Variants in TMEM117 observed in about 807,000 individuals in gnomAD.
The protein encoded by TMEM117 is transmembrane protein 117.
Under a neutral mutation model 52.4 loss-of-function variants are expected in TMEM117, and 27 were observed. The observed-to-expected ratio is 0.51, with a 90% confidence interval of 0.38 to 0.71. The LOEUF (loss-of-function observed/expected upper bound fraction) is 0.71. Among genes scored for constraint, TMEM117 ranks in the 30% least tolerant of loss-of-function variants. TMEM117 has a pLI of 0.00. For synonymous variants in TMEM117, 215 were observed against 206.3 expected (o/e 1.04, Z -0.36); for missense variants, 556 against 630.5 (o/e 0.88, Z 1.26).
intron 6 of TMEM117, among the ~76,000 whole-genome samples, chr12:44,370,636 G>A (rs370552948): frequency 6.0e-5 from 9 of 150,188 alleles, no homozygotes; most frequent in East Asian, 4.0e-4. Flanking sequence ...TTCTACCTCC[G>A]CCTCCCCAGT....
intron 4 of TMEM117, among the ~76,000 whole-genome samples, chr12:44,195,956 A>G (rs919791779): frequency 6.6e-6 from 1 of 151,796 alleles, no homozygotes; most frequent in Non-Finnish European, 1.5e-5. Flanking sequence ...ATGGTGACAC[A>G]TACTTTGTAG....
At chr12:43,990,323 T>C (rs1945917520) in intron 3 of TMEM117, among the ~76,000 whole-genome samples, 1 of 152,178 alleles carries the variant, frequency 6.6e-6, no homozygotes, top group African/African-American at 2.4e-5. Flanking sequence ...ACTTAGACTT[T>C]ACACTATTTT....
intron 3 of TMEM117, among the ~76,000 whole-genome samples, chr12:44,057,832 G>A (rs1242511779): frequency 6.6e-6 from 1 of 152,106 alleles, no homozygotes; most frequent in Non-Finnish European, 1.5e-5. Context: ...ATGTATGTCA[G>A]GATATAACTT....
At chr12:43,897,419 C>T (rs1344073868) in intron 2 of TMEM117, among the ~76,000 whole-genome samples, 2 of 150,670 alleles carry the variant, frequency 1.3e-5, no homozygotes, top group African/African-American at 2.4e-5. Context: ...TCAAGTGATT[C>T]TCCTGCCTCA....
chr12:44,005,533 T>C lies in TMEM117; in HGVS notation c.410+61191T>C, dbSNP rs80163491. Among the ~76,000 whole-genome samples, 1,130 of 152,350 alleles carry C rather than the reference T, an allele frequency of 7.4e-3. 5 individuals carry two copies. The highest frequency in any genetic ancestry group is 0.01 in the Non-Finnish European group (714 of 68,036). On this transcript the variant is annotated intron_variant, in intron 3 of 7. Transcript: ENST00000266534. The stretch of plus-strand genomic sequence containing the variant: ...TCATCACTCTAGGCCACATGCCTTA[T>C]TTTGCTCTGACACTTCAGGATGTTT...
intron 3 of TMEM117, among the ~76,000 whole-genome samples, chr12:44,043,232 T>C (rs1450507208): frequency 6.6e-6 from 1 of 152,172 alleles, no homozygotes; most frequent in African/African-American, 2.4e-5. Context: ...GCCTCAAATC[T>C]GCTAAGATTG....
At chr12:44,060,758 G>A (rs570613852) in intron 3 of TMEM117, among the ~76,000 whole-genome samples, 1 of 152,274 alleles carries the variant, frequency 6.6e-6, no homozygotes, top group East Asian at 1.9e-4. Context: ...CACAAAATTG[G>A]TGAGTTTTCT....
intron 3 of TMEM117, among the ~76,000 whole-genome samples, chr12:44,119,883 G>A (rs145301003): frequency 1.5e-3 from 231 of 152,320 alleles, no homozygotes; most frequent in Middle Eastern, 3.4e-3. Flanking sequence ...ACATGGATCA[G>A]GACTGAGAGG....
intron 3 of TMEM117, among the ~76,000 whole-genome samples, chr12:44,128,469 C>A (rs1188895054): frequency 1.3e-5 from 2 of 152,198 alleles, no homozygotes; most frequent in African/African-American, 4.8e-5. Flanking sequence ...GTATTCCCAG[C>A]ACCTAGCACA....
At chr12:43,940,525 A>G (rs953482881) in intron 2 of TMEM117, among the ~76,000 whole-genome samples, 2 of 151,924 alleles carry the variant, frequency 1.3e-5, no homozygotes, top group African/African-American at 4.8e-5. Context: ...TCCACAACAT[A>G]TGTTTGCTCA....
chr12:44,056,179 A>G (rs901137363), intron 3 of TMEM117, among the ~76,000 whole-genome samples: 6 of 152,082 alleles, frequency 3.9e-5, no homozygotes, highest in African/African-American at 1.4e-4. Flanking sequence ...AGCTTACTGC[A>G]GCCTTGAACT....
chr12:43,816,522 T>G, the TMEM117 span, among the ~76,000 whole-genome samples: 4 of 152,044 alleles, frequency 2.6e-5, no homozygotes, highest in African/African-American at 9.7e-5. Flanking sequence ...ACTCACCTCC[T>G]GTCCGTTACC....
chr12:44,243,673 C>T (rs761617544), intron 5 of TMEM117, among the ~76,000 whole-genome samples: 3 of 151,774 alleles, frequency 2.0e-5, no homozygotes, highest in South Asian at 2.1e-4. Flanking sequence ...ATATAAAATA[C>T]GTTATTATTA....
chr12:44,260,389 T>C (rs1176662251), intron 5 of TMEM117, among the ~76,000 whole-genome samples: 1 of 152,208 alleles, frequency 6.6e-6, no homozygotes, highest in Non-Finnish European at 1.5e-5. Context: ...ACTCCTTTCA[T>C]GATGAGAAGC....
Position 43,956,500 on chromosome 12 carries a change from C to CAA in TMEM117, c.410+12178_410+12179dup, listed in dbSNP as rs57544750. Among the ~76,000 whole-genome samples, 603 of 83,464 alleles carry CAA rather than the reference C, an allele frequency of 7.2e-3. 14 individuals carry two copies. The highest frequency in any genetic ancestry group is 0.069 in the East Asian group (151 of 2,186). The allele number at this position is 83,464 out of a possible 152,430, so 54.8% of individuals were successfully genotyped here. A position where few individuals can be genotyped will look rare whatever the true frequency, so the allele number is the denominator to read the frequency against. ...GCAAAGGATATAAACAGACACTTCT[C>CAA]AAAAAAAAAAAAAAAAAAAAAGACG... is the stretch of plus-strand genomic sequence containing the variant. On this transcript the variant is annotated intron_variant, in intron 3 of 7. Coordinates refer to ENST00000266534, the MANE Select transcript of TMEM117 (RefSeq NM_032256.3).
chr12:43,917,636 T>C (rs1944627725), intron 2 of TMEM117, among the ~76,000 whole-genome samples: 1 of 152,030 alleles, frequency 6.6e-6, no homozygotes, highest in African/African-American at 2.4e-5. Flanking sequence ...TTTTAGCTTT[T>C]AGTAACATTT....
Position 44,090,839 on chromosome 12 carries a change from G to GT in TMEM117, c.411-52677dup, listed in dbSNP as rs1264179472. Among the ~76,000 whole-genome samples the GT allele has an allele frequency of 4.2e-3, 436 of 104,742 alleles. 27 individuals are homozygous for GT. The highest frequency in any genetic ancestry group is 7.8e-3 in the East Asian group (29 of 3,716). 68.7% of individuals were successfully genotyped at this position (104,742 alleles called of 152,430 possible). ...CTAATTCTTAATCCTGTATTTATGT[G>GT]TTTTTTTTTGTTTTTTTTTTTTTTT... On this transcript the variant is annotated intron_variant, in intron 3 of 7. Coordinates refer to ENST00000266534, the MANE Select transcript of TMEM117 (RefSeq NM_032256.3).
chr12:43,931,219 G>T (rs1264877108), intron 2 of TMEM117, among the ~76,000 whole-genome samples: 3 of 152,182 alleles, frequency 2.0e-5, no homozygotes, highest in African/African-American at 7.2e-5. Context: ...TGGTGGAAGT[G>T]GGGCAAAATT....
In TMEM117 at chr12:43,925,827, T is replaced by C. The variant is rs146938078; in HGVS notation, c.278-18383T>C. Among the ~76,000 whole-genome samples the C allele has an allele frequency of 7.0e-3, 1,063 of 152,306 alleles. 9 individuals carry two copies. The highest frequency in any genetic ancestry group is 0.023 in the African/African-American group (959 of 41,556). On this transcript the variant is annotated intron_variant, in intron 2 of 7. Coordinates refer to ENST00000266534, the MANE Select transcript of TMEM117 (RefSeq NM_032256.3). ...TGAGCTTGACCCTCGTGTACCATCA[T>C]GTGCTTCAGATGCAATGTTGTGTTG...
Sources: allele counts gnomAD v4.1 joint callset (sites outside exome capture counted in the v4.1 genomes callset), GRCh38; gene constraint gnomAD v4.1.1; transcripts MANE v1.5; gene names NCBI Gene and HGNC (gene_info 2026-07-23, HGNC 2026-07-21).